The following CAMTA1 variants were observed in gnomAD, a reference collection of about 807,000 sequenced individuals.
The protein encoded by CAMTA1 is calmodulin binding transcription activator 1, also known as calmodulin-binding transcription activator 1.
Under a neutral mutation model 170.9 loss-of-function variants are expected in CAMTA1, and 27 were observed. The ratio of observed to expected loss-of-function variants is 0.16; its 90% CI spans 0.12 to 0.22. The LOEUF is 0.22. Ranked by LOEUF, CAMTA1 falls within the 10% of genes least tolerant of loss-of-function variation. CAMTA1 has a pLI of 1.00. For synonymous variants in CAMTA1, 833 were observed against 891.5 expected, an observed-to-expected ratio of 0.93 and a Z score of 1.17; for missense variants, 1,619 against 2,217.2, an observed-to-expected ratio of 0.73 and a Z score of 5.42.
chr1:7,238,156 CTT>C lies in CAMTA1; in HGVS notation c.303-11321_303-11320del, dbSNP rs71582089. Among the ~76,000 whole-genome samples the C allele has an allele frequency of 7.5e-3, 1,087 of 145,112 alleles. 14 individuals carry two copies. Among genetic ancestry groups the C allele is most frequent in the Admixed American group, 0.043 (622 of 14,418 alleles). On this transcript the variant is annotated intron_variant, in intron 4 of 22. Coordinates refer to ENST00000303635, the MANE Select transcript of CAMTA1 (RefSeq NM_015215.4). The stretch of plus-strand genomic sequence containing the variant: ...AACTTTAATATGGTCAGTCTTCTTT[CTT>C]TTTTTTTTTTTTTAAAGCAAAAACA...
Position 7,678,992 on chromosome 1 carries a change from C to A in CAMTA1, c.2914+1259C>A, listed in dbSNP as rs534898106. On this transcript the variant is annotated intron_variant, in intron 11 of 22. Coordinates refer to ENST00000303635, the MANE Select transcript of CAMTA1 (RefSeq NM_015215.4). The stretch of plus-strand genomic sequence containing the variant: ...CCGAGAGAGAGGGTGCCGACAGCTG[C>A]CCTGGCTGGTGAACCCTCAGGAGAC... Among the ~76,000 whole-genome samples the A allele has an allele frequency of 7.2e-5, 11 of 152,352 alleles. No homozygotes were observed. The South Asian group carries it at 2.3e-3, about 32-fold the overall frequency.
intron 22 of CAMTA1, among the ~76,000 whole-genome samples, chr1:7,755,978 G>A (rs927809595): frequency 2.6e-5 from 4 of 152,324 alleles, no homozygotes; most frequent in African/African-American, 9.6e-5. Flanking sequence ...GGCAGGCCAC[G>A]TACACGGCCA....
rs2094968760 is a variant in CAMTA1 at position 7,562,358 on chromosome 1, CAGT to C, written c.511-78041_511-78039del. Reference sequence around the variant, plus strand: ...TCCTGCATCGTTGGGCAGTGTAACTCAGTTGGGTATCAGGGCTGGTGGCAGCAG... The same window carrying C: ...TCCTGCATCGTTGGGCAGTGTAACTCTGGGTATCAGGGCTGGTGGCAGCAG... On this transcript the variant is annotated intron_variant, in intron 6 of 22. Coordinates refer to ENST00000303635, the MANE Select transcript of CAMTA1 (RefSeq NM_015215.4). This position sits in a 1 kb window ranked among gnomAD's most constrained non-coding sequence, Gnocchi z 4.8. Among the ~76,000 whole-genome samples, 1 of 152,220 alleles carries C rather than the reference CAGT, an allele frequency of 6.6e-6. No individual in the cohort carries two copies. The highest frequency in any genetic ancestry group is 1.5e-5 in the Non-Finnish European group (1 of 68,036).
chr1:7,045,234 G>A (rs1238561695), intron 3 of CAMTA1, among the ~76,000 whole-genome samples: 4 of 152,088 alleles, frequency 2.6e-5, no homozygotes, highest in East Asian at 3.9e-4. Flanking sequence ...GTCACCCAGC[G>A]AAAGGTGGCA....
chr1:7,058,242 TG>T (rs1462037383), intron 3 of CAMTA1, among the ~76,000 whole-genome samples: 4 of 152,110 alleles, frequency 2.6e-5, no homozygotes, highest in Non-Finnish European at 4.4e-5. Context: ...CCATTCCCCC[TG>T]GGGCTGAGAG....
intron 22 of CAMTA1, among the ~76,000 whole-genome samples, chr1:7,766,215 T>C (rs2097023306): frequency 6.6e-6 from 1 of 152,006 alleles, no homozygotes; most frequent in Non-Finnish European, 1.5e-5. Context: ...TTTTGCTCTA[T>C]TCTTAGAGCG....
At position 7,673,026 on chromosome 1, in the gene CAMTA1, C is replaced by G. The variant is rs1159310205; in HGVS notation, c.2779+1989C>G. On this transcript the variant is annotated intron_variant, in intron 10 of 22. Transcript: ENST00000303635. This position sits in a 1 kb window ranked among gnomAD's most constrained non-coding sequence, Gnocchi z 4.6. ...TGTGTGCAGCTGATGGGACCCCGGC[C>G]CGGCGGGAGTGGCGGGGAGGGCACT... 1.3e-5 allele frequency among the ~76,000 whole-genome samples: 2 copies of G among 152,200 alleles called. No homozygotes were observed. The highest frequency in any genetic ancestry group is 2.9e-5 in the Non-Finnish European group (2 of 68,036).
At chr1:7,009,989 G>A (rs532584349) in intron 3 of CAMTA1, among the ~76,000 whole-genome samples, 161 of 152,328 alleles carry the variant, frequency 1.1e-3, no homozygotes, top group African/African-American at 3.4e-3. Context: ...AGGTGTTGGC[G>A]CTGTCCAGGT....
At chr1:7,508,313 C>A (rs1057279508) in intron 6 of CAMTA1, among the ~76,000 whole-genome samples, 41 of 152,230 alleles carry the variant, frequency 2.7e-4, no homozygotes, top group African/African-American at 9.4e-4. Flanking sequence ...CATCCCACAC[C>A]CGTCGGAAGA....
chr1:7,664,867 T>A lies in CAMTA1; in HGVS notation c.2320T>A (p.Ser774Thr). ...TGACATCTCCTTCAGCAACCAGTTCTCCGACCTGATCAACGACTTCATCTC... is the reference window on the plus strand; with the variant it reads ...TGACATCTCCTTCAGCAACCAGTTCACCGACCTGATCAACGACTTCATCTC... ...HFDISFSNQFSDLINDFISVE... is the reference protein window; with the variant it reads ...HFDISFSNQFTDLINDFISVE... Residue 774 changes from serine (S) to threonine (T), a missense_variant, in exon 9 of 23, where the codon TCC becomes ACC. By Grantham distance (58) the Ser-to-Thr change is moderately conservative. Around this residue, in one of 8 missense-constraint regions of CAMTA1, gnomAD observed 731 missense variants for 907.6 expected, o/e 0.81. Transcript: ENST00000303635. 6.2e-7 allele frequency: 1 copy of A among 1,613,358 alleles called. No homozygotes were observed. The highest frequency in any genetic ancestry group is 8.5e-7 in the Non-Finnish European group (1 of 1,180,016).
rs1204917209 is a variant in CAMTA1, at chr1:7,455,813, C to T, written c.439-12017C>T. The stretch of plus-strand genomic sequence containing the variant: ...ACTGATTTCTGGGCAGCACTTGGCC[C>T]TCCGTGCCGTCCAGAATGGCCTCGG... On this transcript the variant is annotated intron_variant, in intron 5 of 22. Coordinates refer to ENST00000303635, the MANE Select transcript of CAMTA1 (RefSeq NM_015215.4). The surrounding 1 kb of genome is among the most constrained non-coding windows in gnomAD (Gnocchi z 5.0). Among the ~76,000 whole-genome samples the T allele has an allele frequency of 6.6e-6, 1 of 152,244 alleles. No individual in the cohort carries two copies. Among genetic ancestry groups the T allele is most frequent in the Non-Finnish European group, 1.5e-5 (1 of 68,046 alleles).
intron 6 of CAMTA1, among the ~76,000 whole-genome samples, chr1:7,598,077 C>T: frequency 7.3e-6 from 1 of 136,104 alleles, no homozygotes; most frequent in African/African-American, 2.7e-5. Context: ...TAATGCTATC[C>T]CTCCCCCCTC....
At chr1:7,409,996 T>C (rs1489940578) in intron 5 of CAMTA1, among the ~76,000 whole-genome samples, 2 of 152,190 alleles carry the variant, frequency 1.3e-5, no homozygotes, top group Non-Finnish European at 2.9e-5. Context: ...TGTTGCTTTC[T>C]GCCACTGCCT....
chr1:7,155,852 G>A (rs1249949348), intron 4 of CAMTA1, among the ~76,000 whole-genome samples: 1 of 152,172 alleles, frequency 6.6e-6, no homozygotes. Flanking sequence ...TGCTGTGCAC[G>A]TGCCTGGGTG....
intron 3 of CAMTA1, chr1:6,853,338 A>G (rs1389547655): frequency 6.6e-6 from 1 of 152,218 alleles, no homozygotes; most frequent in Non-Finnish European, 1.5e-5. Flanking sequence ...AGGAAGTGGT[A>G]AAAATATTAA....
chr1:7,490,721 C>T (rs77157345), intron 6 of CAMTA1, among the ~76,000 whole-genome samples: 87 of 152,234 alleles, frequency 5.7e-4, no homozygotes, highest in African/African-American at 2.0e-3. Flanking sequence ...CCTTGGCACC[C>T]AGCCACCGTG....
At chr1:7,676,980 G>A (rs2096127383) in intron 10 of CAMTA1, among the ~76,000 whole-genome samples, 1 of 152,176 alleles carries the variant, frequency 6.6e-6, no homozygotes, top group African/African-American at 2.4e-5. Context: ...CTGTCTTCCA[G>A]AGCTTACTGT....
At chr1:7,440,594 T>C (rs1035989328) in intron 5 of CAMTA1, among the ~76,000 whole-genome samples, 2 of 152,254 alleles carry the variant, frequency 1.3e-5, no homozygotes, top group Non-Finnish European at 2.9e-5. Context: ...ATTTTTTTTT[T>C]ACCTGCCAGA....
At chr1:7,706,220 A>G (rs1477087367) in intron 11 of CAMTA1, among the ~76,000 whole-genome samples, 2 of 152,230 alleles carry the variant, frequency 1.3e-5, no homozygotes, top group African/African-American at 4.8e-5. Flanking sequence ...GAAGTATCTA[A>G]TCCCGGAAGC....
Sources: gnomAD v4.1 joint callset for allele counts (sites outside exome capture counted in the v4.1 genomes callset) on GRCh38, gnomAD v4.1.1 for gene constraint, gnomAD v4.1.1 regional missense constraint, Gnocchi (gnomAD v3.1) non-coding constraint, MANE v1.5 for transcripts, NCBI Gene and HGNC (gene_info 2026-07-23, HGNC 2026-07-21) for gene names.